Variants in CSMD1 observed in about 807,000 individuals in gnomAD.
The protein encoded by CSMD1 is CUB and Sushi multiple domains 1.
In CSMD1, 213 loss-of-function variants were observed where a neutral mutation model predicts 417.5. That is an observed-to-expected ratio of 0.51 (90% CI 0.46 to 0.57). The LOEUF is 0.57. Ranked by LOEUF, CSMD1 falls within the 20% of genes least tolerant of loss-of-function variation. The probability of loss-of-function intolerance (pLI) is 0.00; values close to 1 mark genes in which losing one functional copy is unlikely to be tolerated. For synonymous variants in CSMD1, 2,862 were observed against 1,736.8 expected (o/e 1.65, Z -16.11); for missense variants, 6,923 against 4,529.7 (o/e 1.53, Z -15.17).
At chr8:2,997,585 G>C (rs1807020951) in intron 54 of CSMD1, among the ~76,000 whole-genome samples, 1 of 152,134 alleles carries the variant, frequency 6.6e-6, no homozygotes, top group Non-Finnish European at 1.5e-5. Context: ...TGGAAACTCA[G>C]ATTTAGCAGA....
At chr8:3,617,289 G>T (rs577375022) in intron 7 of CSMD1, among the ~76,000 whole-genome samples, 3 of 152,086 alleles carry the variant, frequency 2.0e-5, no homozygotes, top group Admixed American at 6.6e-5. Flanking sequence ...ACCCATAATG[G>T]TTTCTTTGTT....
At chr8:4,667,941 T>C (rs971692621) in intron 1 of CSMD1, among the ~76,000 whole-genome samples, 1 of 152,256 alleles carries the variant, frequency 6.6e-6, no homozygotes, top group African/African-American at 2.4e-5. Context: ...ACATACGTCT[T>C]TGAAACAATT....
intron 22 of CSMD1, 21 bp from the exon 23 acceptor site, chr8:3,343,471 G>A: frequency 6.2e-7 from 1 of 1,606,368 alleles, no homozygotes; most frequent in East Asian, 2.2e-5. Flanking sequence ...TTCACAGCAT[G>A]AGTCCCTCTA....
At chr8:3,575,162 A>T in intron 9 of CSMD1, 96 bp from the exon 10 acceptor site, 1 of 1,171,782 alleles carries the variant, frequency 8.5e-7, no homozygotes. Flanking sequence ...GCTATTATCT[A>T]ATCACAGTAA....
chr8:4,749,290 C>T (rs1448435563), intron 1 of CSMD1, among the ~76,000 whole-genome samples: 2 of 152,260 alleles, frequency 1.3e-5, no homozygotes, highest in East Asian at 3.9e-4. Context: ...AGATTTCTTC[C>T]AAGGTTACTT....
chr8:3,605,839 T>C (rs1801585714), intron 8 of CSMD1, among the ~76,000 whole-genome samples: 1 of 152,234 alleles, frequency 6.6e-6, no homozygotes, highest in Admixed American at 6.5e-5. Context: ...CTAATTTTAA[T>C]TGTTAATCTA....
At chr8:4,068,104 G>A (rs558748596) in intron 3 of CSMD1, among the ~76,000 whole-genome samples, 2 of 152,118 alleles carry the variant, frequency 1.3e-5, no homozygotes, top group East Asian at 3.9e-4. Flanking sequence ...GAAAAAAAGG[G>A]ACACAACAGT....
chr8:4,698,964 C>T (rs182163994), intron 1 of CSMD1, among the ~76,000 whole-genome samples: 4 of 151,686 alleles, frequency 2.6e-5, no homozygotes, highest in East Asian at 1.9e-4. Context: ...CGAACGAACA[C>T]GTCAGGATTA....
intron 6 of CSMD1, among the ~76,000 whole-genome samples, chr8:3,723,669 G>T (rs960953748): frequency 8.0e-5 from 12 of 150,940 alleles, no homozygotes; most frequent in Non-Finnish European, 1.3e-4. Context: ...AAAACTTAAA[G>T]ACTTTTTTTG....
chr8:3,222,233 A>C (rs757881535), intron 28 of CSMD1, among the ~76,000 whole-genome samples: 2 of 152,128 alleles, frequency 1.3e-5, no homozygotes, highest in African/African-American at 2.4e-5. Context: ...CCCTTGCACA[A>C]AACTGCCTTA....
At chr8:4,892,723 C>G (rs1305708155) in intron 1 of CSMD1, among the ~76,000 whole-genome samples, 1 of 151,968 alleles carries the variant, frequency 6.6e-6, no homozygotes, top group Non-Finnish European at 1.5e-5. Flanking sequence ...TTGCTTTTAA[C>G]ACTTTTGCTT....
intron 41 of CSMD1, among the ~76,000 whole-genome samples, chr8:3,140,353 C>CTG (rs1379001326): frequency 2.6e-5 from 4 of 151,838 alleles, no homozygotes; most frequent in Admixed American, 1.3e-4. Flanking sequence ...CTCTCTGTCT[C>CTG]TCTCTCTCTG....
chr8:3,065,290 G>C (rs142577215), intron 49 of CSMD1, among the ~76,000 whole-genome samples: 350 of 138,266 alleles, frequency 2.5e-3, no homozygotes, highest in African/African-American at 9.2e-3. Flanking sequence ...TACATAGATA[G>C]ATAGATAGAT....
chr8:4,616,063 G>A (rs865935188), intron 2 of CSMD1, among the ~76,000 whole-genome samples: 4 of 152,138 alleles, frequency 2.6e-5, no homozygotes, highest in African/African-American at 9.7e-5. Context: ...ATAGTCTGGA[G>A]TGTTCTTATT....
chr8:4,279,681 C>T (rs1052160847), intron 3 of CSMD1, among the ~76,000 whole-genome samples: 1 of 152,106 alleles, frequency 6.6e-6, no homozygotes, highest in African/African-American at 2.4e-5. Context: ...TATAATTAGC[C>T]AACTTTGAAT....
chr8:4,185,074 G>C (rs187743322), intron 3 of CSMD1, among the ~76,000 whole-genome samples: 4 of 146,338 alleles, frequency 2.7e-5, no homozygotes, highest in Non-Finnish European at 3.0e-5. Context: ...GGGAGGCAGA[G>C]GTTGCAGTGA....
rs569801255 is a variant in CSMD1, at chr8:2,945,107, T to A, written c.10403-2503A>T. 5.9e-5 allele frequency among the ~76,000 whole-genome samples: 9 copies of A among 152,302 alleles called. No homozygotes were observed. In the East Asian group the frequency reaches 1.7e-3, roughly 29 times the overall value. ...TATACACACATTGTGTTAATTAAAA[T>A]GGCATAAAGGGATATGAAAACAAAT... On this transcript the variant is annotated intron_variant, in intron 68 of 69. Transcript: ENST00000635120.
At chr8:3,798,448 T>C (rs993176321) in intron 5 of CSMD1, among the ~76,000 whole-genome samples, 2 of 152,102 alleles carry the variant, frequency 1.3e-5, no homozygotes, top group Non-Finnish European at 2.9e-5. Context: ...ATACTCATTT[T>C]GATTTCAGGA....
intron 5 of CSMD1, among the ~76,000 whole-genome samples, chr8:3,824,855 C>G (rs1387124514): frequency 2.0e-5 from 3 of 151,950 alleles, no homozygotes; most frequent in African/African-American, 7.3e-5. Context: ...CACAGGGTTT[C>G]AATTAAAACC....
Sources: gnomAD v4.1 joint callset for allele counts (sites outside exome capture counted in the v4.1 genomes callset) on GRCh38, gnomAD v4.1.1 for gene constraint, MANE v1.5 for transcripts, NCBI Gene and HGNC (gene_info 2026-07-23, HGNC 2026-07-21) for gene names.